The following PCSK6 variants were observed in gnomAD, a reference collection of about 807,000 sequenced individuals.
PCSK6 encodes paired basic amino acid cleaving enzyme 4.
A neutral mutation model predicts 123.3 loss-of-function variants in PCSK6; 85 were observed. The ratio of observed to expected loss-of-function variants is 0.69; its 90% CI spans 0.58 to 0.83. PCSK6 has a LOEUF of 0.83. Among genes scored for constraint, PCSK6 ranks in the 40% least tolerant of loss-of-function variants. The pLI, the probability that PCSK6 is intolerant of heterozygous loss-of-function variation, is 0.00. For synonymous variants in PCSK6, 508 were observed against 516.0 expected, an observed-to-expected ratio of 0.98 and a Z score of 0.21; for missense variants, 1,191 against 1,282.3, an observed-to-expected ratio of 0.93 and a Z score of 1.09.
chr15:101,362,004 T>G (rs1454886643), intron 13 of PCSK6, among the ~76,000 whole-genome samples: 8 of 133,580 alleles, frequency 6.0e-5, no homozygotes, highest in Non-Finnish European at 1.1e-4. Context: ...TCATCCAGGC[T>G]GGAGTGCAGT....
intron 9 of PCSK6, among the ~76,000 whole-genome samples, chr15:101,385,022 G>A (rs755586967): frequency 2.0e-5 from 3 of 152,184 alleles, no homozygotes; most frequent in Non-Finnish European, 4.4e-5. Context: ...GCTCACCCCT[G>A]CTTTTTGTGT....
chr15:101,473,075 GTTTTC>G (rs1223710762), intron 1 of PCSK6, among the ~76,000 whole-genome samples: 1 of 151,988 alleles, frequency 6.6e-6, no homozygotes, highest in Non-Finnish European at 1.5e-5. Flanking sequence ...TTTTTGTTTT[GTTTTC>G]TTTTCTTTTC....
intron 6 of PCSK6, among the ~76,000 whole-genome samples, chr15:101,424,998 A>C (rs2141099246): frequency 6.6e-6 from 1 of 152,282 alleles, no homozygotes; most frequent in South Asian, 2.1e-4. Context: ...ACCAACAAGG[A>C]AGATGGCACA....
At chr15:101,395,672 A>G (rs2042390715) in intron 7 of PCSK6, among the ~76,000 whole-genome samples, 1 of 152,210 alleles carries the variant, frequency 6.6e-6, no homozygotes, top group Non-Finnish European at 1.5e-5. Flanking sequence ...TTTCAACCCT[A>G]GCCATGAACT....
At chr15:101,442,668 AG>A (rs2056787284) in intron 2 of PCSK6, among the ~76,000 whole-genome samples, 1 of 152,140 alleles carries the variant, frequency 6.6e-6, no homozygotes, top group Non-Finnish European at 1.5e-5. Flanking sequence ...TGCACCAGCC[AG>A]GGGGCCCAAA....
At chr15:101,480,723 T>A (rs539096065) in intron 1 of PCSK6, among the ~76,000 whole-genome samples, 3 of 152,236 alleles carry the variant, frequency 2.0e-5, no homozygotes, top group South Asian at 4.2e-4. Flanking sequence ...AGGGCACTAG[T>A]GGGGCCTTCA....
chr15:101,414,070 G>A (rs1030176134), intron 6 of PCSK6, among the ~76,000 whole-genome samples: 6 of 152,092 alleles, frequency 3.9e-5, no homozygotes, highest in African/African-American at 1.4e-4. Context: ...AGACTTCAGA[G>A]CAAAAAAATT....
chr15:101,461,307 T>C (rs1296587921), intron 1 of PCSK6, among the ~76,000 whole-genome samples: 1 of 152,048 alleles, frequency 6.6e-6, no homozygotes, highest in East Asian at 1.9e-4. Context: ...ATGAAACCAC[T>C]AACTAAAAAA....
At chr15:101,412,077 A>AACC (rs1323820935) in intron 6 of PCSK6, among the ~76,000 whole-genome samples, 2 of 152,150 alleles carry the variant, frequency 1.3e-5, no homozygotes, top group Non-Finnish European at 1.5e-5. Context: ...CTCAGCACTG[A>AACC]TAAGGAGACT....
At chr15:101,314,052 T>C (rs892454539) in intron 19 of PCSK6, among the ~76,000 whole-genome samples, 1 of 152,218 alleles carries the variant, frequency 6.6e-6, no homozygotes, top group Non-Finnish European at 1.5e-5. Context: ...CAGAACGCTG[T>C]AGAAGATGAC....
chr15:101,368,989 C>T (rs1359419392), intron 12 of PCSK6, among the ~76,000 whole-genome samples: 4 of 152,254 alleles, frequency 2.6e-5, no homozygotes, highest in Admixed American at 6.5e-5. Flanking sequence ...AGGCACAGCA[C>T]GGCCGGGCCT....
At chr15:101,423,404 G>C (rs2056149569) in intron 6 of PCSK6, among the ~76,000 whole-genome samples, 1 of 152,044 alleles carries the variant, frequency 6.6e-6, no homozygotes. Context: ...GGGATTACAG[G>C]CATGTGCCAC....
chr15:101,481,770 A>T (rs918961953), intron 1 of PCSK6, among the ~76,000 whole-genome samples: 1 of 152,210 alleles, frequency 6.6e-6, no homozygotes, highest in Admixed American at 6.5e-5. Flanking sequence ...AGGAGGTTTC[A>T]GCAAAAGATG....
chr15:101,393,291 T>TA lies in PCSK6; in HGVS notation c.1129dup (p.Tyr377LeufsTer24). ...ACACTCTTCCAGGTACCAGGGCTTG[T>TA]AGCCATTCTCGGTGGCGCTGCTGAC... On this transcript the variant is annotated frameshift_variant, in exon 8 of 22. Transcript: ENST00000611716. LOFTEE classifies it high-confidence loss of function. The TA allele has an allele frequency of 6.2e-7, 1 of 1,613,158 alleles. No individual in the cohort carries two copies. Among genetic ancestry groups the TA allele is most frequent in the Non-Finnish European group, 8.5e-7 (1 of 1,179,638 alleles).
chr15:101,394,264 C>T lies in PCSK6; in HGVS notation c.997-840G>A, dbSNP rs911836127. On this transcript the variant is annotated intron_variant, in intron 7 of 21. Transcript: ENST00000611716. ...AGCTGTGCCTATAGAAGTGTGCCGC[C>T]ATGCCCAGCTGTGCACCGGTGTTCA... is the stretch of plus-strand genomic sequence containing the variant. Among the ~76,000 whole-genome samples, 8 of 152,098 alleles carry T rather than the reference C, an allele frequency of 5.3e-5. No individual in the cohort carries two copies. In the East Asian group the frequency reaches 5.8e-4, roughly 11 times the overall value.
chr15:101,337,715 C>T (rs541659578), intron 13 of PCSK6, among the ~76,000 whole-genome samples: 91 of 152,314 alleles, frequency 6.0e-4, no homozygotes, highest in Non-Finnish European at 1.1e-3. Flanking sequence ...ATCACGGGGG[C>T]AGGGAACATG....
At chr15:101,310,384 G>A (rs2039828208) in intron 20 of PCSK6, among the ~76,000 whole-genome samples, 2 of 152,262 alleles carry the variant, frequency 1.3e-5, no homozygotes, top group African/African-American at 4.8e-5. Context: ...GGGGCTGCCT[G>A]CAGGGGTCCA....
At chr15:101,413,388 T>C (rs181784104) in intron 6 of PCSK6, among the ~76,000 whole-genome samples, 16 of 151,772 alleles carry the variant, frequency 1.1e-4, no homozygotes, top group African/African-American at 3.6e-4. Flanking sequence ...AAAAAAGCTA[T>C]ACAAGAAGAC....
chr15:101,315,516 T>G (rs185348358), intron 19 of PCSK6, among the ~76,000 whole-genome samples: 5 of 152,376 alleles, frequency 3.3e-5, no homozygotes, highest in African/African-American at 1.2e-4. Context: ...GGGCCCAGTA[T>G]AAAGTGAAAA....
Sources: gnomAD v4.1 joint callset for allele counts (sites outside exome capture counted in the v4.1 genomes callset) on GRCh38, gnomAD v4.1.1 for gene constraint, MANE v1.5 for transcripts, NCBI Gene and HGNC (gene_info 2026-07-23, HGNC 2026-07-21) for gene names.